Variants in DMD observed in about 807,000 individuals in gnomAD.
The protein encoded by DMD is mutant dystrophin.
DMD carries 63 observed loss-of-function variants against 330.1 expected under a neutral mutation model. The observed-to-expected ratio is 0.19, with a 90% CI of 0.16 to 0.24. The LOEUF (loss-of-function observed/expected upper bound fraction) is 0.24, where lower values mean the gene tolerates loss of function less well. DMD is among the 10% of genes least tolerant of loss of function. The probability of loss-of-function intolerance (pLI) is 1.00; values close to 1 mark genes in which losing one functional copy is unlikely to be tolerated. For missense variants in DMD, 3,344 were observed against 2,684.1 expected, an observed-to-expected ratio of 1.25 and a Z score of -5.43; for synonymous variants, 1,223 against 959.8, an observed-to-expected ratio of 1.27 and a Z score of -5.07.
intron 74 of DMD, among the ~76,000 whole-genome samples, chrX:31,165,082 C>G (rs1164586815): frequency 9.0e-6 from 1 of 111,575 alleles, no homozygotes; most frequent in Non-Finnish European, 1.9e-5. Flanking sequence ...TAAAGATTTC[C>G]CGTAGCTATG....
chrX:31,190,936 C>T (rs1259461070), intron 67 of DMD, among the ~76,000 whole-genome samples: 1 of 111,400 alleles, frequency 9.0e-6, no homozygotes, highest in Non-Finnish European at 1.9e-5. Flanking sequence ...TACCATAGGC[C>T]TATTCAACTG....
At chrX:31,778,508 A>AT (rs2090808111) in intron 50 of DMD, among the ~76,000 whole-genome samples, 1 of 100,635 alleles carries the variant, frequency 9.9e-6, no homozygotes. Context: ...GCATGTATAT[A>AT]TTTTTTTCAT....
At chrX:31,934,306 T>C (rs2094896368) in intron 45 of DMD, among the ~76,000 whole-genome samples, 1 of 111,529 alleles carries the variant, frequency 9.0e-6, no homozygotes, top group East Asian at 2.8e-4. Flanking sequence ...AGAATCTGGT[T>C]ATTGGACTTA....
At chrX:32,372,897 TC>T (rs1331822848) in intron 34 of DMD, among the ~76,000 whole-genome samples, 4 of 111,194 alleles carry the variant, frequency 3.6e-5, no homozygotes, top group African/African-American at 9.8e-5. Context: ...TAAAATATAT[TC>T]TTTTTTTCTG....
intron 1 of DMD, among the ~76,000 whole-genome samples, chrX:33,079,088 T>C (rs1232897291): frequency 1.8e-5 from 2 of 111,547 alleles, no homozygotes; most frequent in African/African-American, 6.5e-5. Flanking sequence ...TGGAGTGCAA[T>C]GGCATGATCT....
At chrX:32,986,513 C>T (rs2092848697) in intron 2 of DMD, among the ~76,000 whole-genome samples, 1 of 112,128 alleles carries the variant, frequency 8.9e-6, no homozygotes, top group Non-Finnish European at 1.9e-5. Context: ...TGTGCACACA[C>T]AACACATTAC....
At chrX:31,790,039 T>C (rs1183210069) in intron 50 of DMD, among the ~76,000 whole-genome samples, 1 of 112,167 alleles carries the variant, frequency 8.9e-6, no homozygotes, top group Admixed American at 9.4e-5. Flanking sequence ...CTCTGTTTCC[T>C]ACTTTTGTAC....
intron 61 of DMD, among the ~76,000 whole-genome samples, chrX:31,347,159 T>C (rs1377589892): frequency 9.1e-6 from 1 of 110,405 alleles, no homozygotes; most frequent in Non-Finnish European, 1.9e-5. Context: ...TGTGATATTT[T>C]ACTGGCATAG....
At chrX:33,190,909 TAATATTATATATATAATATTA>T (rs1321269134) in intron 1 of DMD, among the ~76,000 whole-genome samples, 23 of 794 alleles carry the variant, frequency 0.029, 2 homozygotes, top group African/African-American at 0.076. Context: ...ATATAATATA[TAATATTATATATATAATATTA>T]TATATATATA....
chrX:32,923,924 C>G (rs1286475547), intron 2 of DMD, among the ~76,000 whole-genome samples: 4 of 111,402 alleles, frequency 3.6e-5, no homozygotes, highest in African/African-American at 1.3e-4. Context: ...GAAAATGAAG[C>G]TTTCCAGAAT....
chrX:31,249,587 T>G (rs2049144611), intron 63 of DMD, among the ~76,000 whole-genome samples: 1 of 111,418 alleles, frequency 9.0e-6, no homozygotes, highest in African/African-American at 3.3e-5. Context: ...ATGTATTATT[T>G]TAATTTGCAT....
chrX:32,507,430 TATC>T (rs752863137), intron 18 of DMD, among the ~76,000 whole-genome samples: 1 of 111,960 alleles, frequency 8.9e-6, no homozygotes, highest in East Asian at 2.8e-4. Context: ...CTCTAAATGT[TATC>T]ATCATAATCT....
At position 32,459,835 on chromosome X, in the gene DMD, T is replaced by C. The variant is rs1460048126; in HGVS notation, c.3432+3604A>G. On this transcript the variant is annotated intron_variant, in intron 25 of 78. Coordinates refer to ENST00000357033, the MANE Select transcript of DMD (RefSeq NM_004006.3). ...GATAGGAATAATACTTCTGGGTAGATGTAAGTGTGAAAGTCCTCATCAAAA... is the reference window on the plus strand; with the variant it reads ...GATAGGAATAATACTTCTGGGTAGACGTAAGTGTGAAAGTCCTCATCAAAA... Among the ~76,000 whole-genome samples the C allele has an allele frequency of 4.5e-5, 5 of 110,980 alleles. 1 individual carries two copies. In the Admixed American group the frequency reaches 4.8e-4, roughly 11 times the overall value.
At chrX:32,954,550 A>G (rs745510476) in intron 2 of DMD, among the ~76,000 whole-genome samples, 10 of 112,224 alleles carry the variant, frequency 8.9e-5, no homozygotes, top group Non-Finnish European at 1.9e-4. Flanking sequence ...CTTTGTTTTT[A>G]ACTTTTAAGT....
intron 1 of DMD, among the ~76,000 whole-genome samples, chrX:33,177,147 T>C (rs1336556143): frequency 9.0e-6 from 1 of 111,063 alleles, no homozygotes; most frequent in Admixed American, 9.6e-5. Flanking sequence ...CAGTCGTTGG[T>C]TGCAAACTGA....
rs148313548 is a variant in DMD, at chrX:32,251,528, T to C, written c.6291-34465A>G. ...CAAATCTGTCAAAAGTTGCTACTAA[T>C]AGCTCCATTAACATAAGTATCAAAG... On this transcript the variant is annotated intron_variant, in intron 43 of 78. Transcript: ENST00000357033. Among the ~76,000 whole-genome samples the C allele has an allele frequency of 4.6e-3, 510 of 111,889 alleles. 3 individuals are homozygous for C. Among genetic ancestry groups the C allele is most frequent in the African/African-American group, 0.015 (470 of 30,802 alleles).
At chrX:32,359,909 T>C (rs996396161) in intron 37 of DMD, among the ~76,000 whole-genome samples, 1 of 110,887 alleles carries the variant, frequency 9.0e-6, no homozygotes, top group Non-Finnish European at 1.9e-5. Context: ...AATACTTTAT[T>C]TTAAATAATA....
At chrX:32,229,664 A>ATATC in intron 43 of DMD, among the ~76,000 whole-genome samples, 1 of 79,722 alleles carries the variant, frequency 1.3e-5, no homozygotes, top group African/African-American at 4.6e-5. Flanking sequence ...ATATATATAT[A>ATATC]TCTCAAAGAG....
chrX:32,641,623 AAG>A (rs746942757), intron 11 of DMD: 76 of 159,292 alleles, frequency 4.8e-4, no homozygotes, highest in African/African-American at 2.4e-3. Flanking sequence ...TTTTAGTGAT[AAG>A]CTTATCTGTA....
Sources: allele counts gnomAD v4.1 joint callset (sites outside exome capture counted in the v4.1 genomes callset), GRCh38; gene constraint gnomAD v4.1.1; transcripts MANE v1.5; gene names NCBI Gene and HGNC (gene_info 2026-07-23, HGNC 2026-07-21).